Variants in WDR27 observed in about 807,000 individuals in gnomAD.
WDR27 encodes WD repeat domain 27, also known as WD repeat-containing protein 27.
A neutral mutation model predicts 114.4 loss-of-function variants in WDR27; 100 were observed. The observed-to-expected ratio is 0.87, with a 90% CI of 0.74 to 1.03. The LOEUF (loss-of-function observed/expected upper bound fraction) is 1.03. Ranked by LOEUF, WDR27 falls within the 50% of genes least tolerant of loss-of-function variation. The probability of loss-of-function intolerance (pLI) is 0.00; values close to 1 mark genes in which losing one functional copy is unlikely to be tolerated. For synonymous variants in WDR27, 449 were observed against 423.1 expected (o/e 1.06, Z -0.75); for missense variants, 1,129 against 1,092.9 (o/e 1.03, Z -0.47).
chr6:169,665,642 AC>A, intron 6 of WDR27, 86 bp from the exon 7 acceptor site: 1 of 1,228,632 alleles, frequency 8.1e-7, no homozygotes. Context: ...TTATCTCTTT[AC>A]ACGTAATATT....
intron 25 of WDR27, among the ~76,000 whole-genome samples, chr6:169,533,848 T>TGTGC (rs1554282710): frequency 6.6e-6 from 1 of 150,922 alleles, no homozygotes; most frequent in Admixed American, 6.6e-5. Context: ...TGTGTGTGTG[T>TGTGC]GCACATGTGC....
intron 25 of WDR27, among the ~76,000 whole-genome samples, chr6:169,555,582 G>A (rs1307681384): frequency 6.6e-6 from 1 of 152,142 alleles, no homozygotes; most frequent in Non-Finnish European, 1.5e-5. Flanking sequence ...ATGGCCATAT[G>A]ACACATGAGG....
At chr6:169,526,817 CAAAT>C (rs1795020246) in intron 25 of WDR27, among the ~76,000 whole-genome samples, 1 of 152,000 alleles carries the variant, frequency 6.6e-6, no homozygotes. Context: ...AAATAAATGT[CAAAT>C]AACCCAATTT....
the WDR27 span, among the ~76,000 whole-genome samples, chr6:169,449,545 G>A: frequency 6.6e-6 from 1 of 152,170 alleles, no homozygotes; most frequent in African/African-American, 2.4e-5. Flanking sequence ...TCATCCTGGG[G>A]CCTGCCTGAG....
chr6:169,666,448 T>C, intron 6 of WDR27: 1 of 985,442 alleles, frequency 1.0e-6, no homozygotes, highest in Non-Finnish European at 1.2e-6. Flanking sequence ...TTTAATTCCC[T>C]AACTCTCTTC....
chr6:169,669,480 T>TCC (rs1778142343), intron 4 of WDR27: 1 of 152,236 alleles, frequency 6.6e-6, no homozygotes, highest in Admixed American at 6.5e-5. Flanking sequence ...CCCAGTATCT[T>TCC]CCTTCAAACA....
downstream of WDR27, among the ~76,000 whole-genome samples, chr6:169,455,619 C>T (rs1784317928): frequency 6.6e-6 from 1 of 152,208 alleles, no homozygotes; most frequent in African/African-American, 2.4e-5. Context: ...TGATCGGAAC[C>T]AGGCAGGGAA....
chr6:169,441,943 G>A, the WDR27 span, among the ~76,000 whole-genome samples: 2 of 148,792 alleles, frequency 1.3e-5, no homozygotes, highest in East Asian at 2.0e-4. Flanking sequence ...AAAAGAGGAC[G>A]GCTTTGGGAA....
intron 17 of WDR27, among the ~76,000 whole-genome samples, chr6:169,643,016 C>T (rs1018112238): frequency 6.6e-6 from 1 of 152,182 alleles, no homozygotes; most frequent in African/African-American, 2.4e-5. Context: ...TATGTCAGCA[C>T]TCAAAGTGTT....
rs559469284 is a variant in WDR27 at position 169,578,575 on chromosome 6, A to G, written c.2523+4261T>C. On this transcript the variant is annotated intron_variant, in intron 24 of 25. Transcript: ENST00000448612. ...GAAGCTCCCAGGGGGGCGAAAGTGC[A>G]TGGGCTTGGAAGCCGTGGGGATGCT... 4.6e-5 allele frequency among the ~76,000 whole-genome samples: 7 copies of G among 152,352 alleles called. 1 individual carries two copies. The South Asian group carries it at 1.4e-3, about 32-fold the overall frequency.
intron 25 of WDR27, among the ~76,000 whole-genome samples, chr6:169,571,964 A>C (rs981788705): frequency 6.6e-6 from 1 of 152,234 alleles, no homozygotes; most frequent in African/African-American, 2.4e-5. Flanking sequence ...TGGCACTGTC[A>C]GTCAGGAATT....
At chr6:169,556,209 C>A (rs1279827987) in intron 25 of WDR27, among the ~76,000 whole-genome samples, 3 of 152,206 alleles carry the variant, frequency 2.0e-5, no homozygotes, top group Admixed American at 1.3e-4. Context: ...ATGGCTTCCA[C>A]CCTGTAGCCA....
At chr6:169,595,484 T>C (rs1806603623) in intron 23 of WDR27, among the ~76,000 whole-genome samples, 1 of 152,204 alleles carries the variant, frequency 6.6e-6, no homozygotes, top group African/African-American at 2.4e-5. Context: ...ATTTTAATCA[T>C]AATTATCTTA....
In WDR27 at chr6:169,625,486, C is replaced by G. The variant is rs565584601; in HGVS notation, c.2223+7461G>C. ...AAGGGTCTGCCCGTGACCCGGGCCA[C>G]AGAGCAAGAGCACAGACAGAGTGCA... is the stretch of plus-strand genomic sequence containing the variant. On this transcript the variant is annotated intron_variant, in intron 21 of 25. Coordinates refer to ENST00000448612, the MANE Select transcript of WDR27 (RefSeq NM_182552.5). Among the ~76,000 whole-genome samples the G allele has an allele frequency of 9.7e-4, 148 of 152,336 alleles. No homozygotes were observed. The Middle Eastern group carries it at 0.017, about 18-fold the overall frequency.
chr6:169,484,806 T>A (rs146321966), intron 25 of WDR27, among the ~76,000 whole-genome samples: 1 of 152,232 alleles, frequency 6.6e-6, no homozygotes, highest in East Asian at 1.9e-4. Flanking sequence ...ATACCTATAC[T>A]GGTATAAAAA....
intron 13 of WDR27, among the ~76,000 whole-genome samples, chr6:169,652,288 G>A (rs770280308): frequency 8.5e-5 from 13 of 152,196 alleles, no homozygotes; most frequent in Non-Finnish European, 1.6e-4. Context: ...TCGCTCTATC[G>A]CTAAGGCTGG....
the WDR27 span, among the ~76,000 whole-genome samples, chr6:169,431,713 C>A: frequency 6.6e-6 from 1 of 152,158 alleles, no homozygotes; most frequent in Admixed American, 6.5e-5. Flanking sequence ...AATTTGCTTA[C>A]AATATGGACT....
intron 25 of WDR27, among the ~76,000 whole-genome samples, chr6:169,475,588 C>T (rs889371835): frequency 6.6e-6 from 1 of 152,164 alleles, no homozygotes; most frequent in Non-Finnish European, 1.5e-5. Flanking sequence ...AAATAGAAAT[C>T]GTTTTATTTT....
At chr6:169,584,630 T>C (rs988303067) in intron 23 of WDR27, among the ~76,000 whole-genome samples, 3 of 152,230 alleles carry the variant, frequency 2.0e-5, no homozygotes, top group African/African-American at 7.2e-5. Context: ...CTCAGTGGTT[T>C]CAATTTGCAT....
Sources: allele counts gnomAD v4.1 joint callset (sites outside exome capture counted in the v4.1 genomes callset), GRCh38; gene constraint gnomAD v4.1.1; transcripts MANE v1.5; gene names NCBI Gene and HGNC (gene_info 2026-07-23, HGNC 2026-07-21).